Variants in ANOS1 observed in about 807,000 individuals in gnomAD.
ANOS1 encodes anosmin-1.
In ANOS1, 6 loss-of-function variants were observed where a neutral mutation model predicts 59.0. The ratio of observed to expected loss-of-function variants is 0.10; its 90% CI spans 0.06 to 0.20. The LOEUF is 0.20. Among genes scored for constraint, ANOS1 ranks in the 10% least tolerant of loss-of-function variants. The pLI is 1.00. For missense variants in ANOS1, 433 were observed against 542.3 expected (o/e 0.80, Z 2.00); for synonymous variants, 217 against 223.4 (o/e 0.97, Z 0.25).
rs143495181 is a variant in ANOS1, at chrX:8,582,001, T to A, written c.856+3266A>T. 2.6e-4 allele frequency among the ~76,000 whole-genome samples: 29 copies of A among 112,102 alleles called. No individual in the cohort carries two copies. The East Asian group carries it at 7.6e-3, about 29-fold the overall frequency. On this transcript the variant is annotated intron_variant, in intron 6 of 13. Transcript: ENST00000262648. ...ACTCTTGTTTCATTTCCTCATATATTGAACAAGGATTTGTTGGGCAGCTAC... is the reference window on the plus strand; with the variant it reads ...ACTCTTGTTTCATTTCCTCATATATAGAACAAGGATTTGTTGGGCAGCTAC...
rs1929471062 is a variant in ANOS1, at chrX:8,529,959, ACAGTCGG to A, written c.*3029_*3035del. 1 of 111,944 alleles carries A rather than the reference ACAGTCGG, an allele frequency of 8.9e-6. No individual in the cohort carries two copies. Among genetic ancestry groups the A allele is most frequent in the Non-Finnish European group, 1.9e-5 (1 of 53,237 alleles). The allele number at this position is 111,944 out of a possible 1,213,427, so 9.2% of individuals were successfully genotyped here. A position where few individuals can be genotyped will look rare whatever the true frequency, so the allele number is the denominator to read the frequency against. On this transcript the variant is annotated 3_prime_UTR_variant, in exon 14 of 14. Coordinates refer to ENST00000262648, the MANE Select transcript of ANOS1 (RefSeq NM_000216.4). ...TTGAGGTTGAGATGAACCTCTGTATACAGTCGGCTATGTATCTAAGGTTTTCAGGACA... is the reference window on the plus strand; with the variant it reads ...TTGAGGTTGAGATGAACCTCTGTATACTATGTATCTAAGGTTTTCAGGACA...
chrX:8,637,950 T>C (rs778313565), intron 2 of ANOS1, among the ~76,000 whole-genome samples: 15 of 112,439 alleles, frequency 1.3e-4, no homozygotes, highest in Non-Finnish European at 2.8e-4. Flanking sequence ...GGTTTTCTGC[T>C]GCAGTCTTCA....
At chrX:8,566,059 A>G (rs1930106319) in intron 8 of ANOS1, 1 of 752,315 alleles carries the variant, frequency 1.3e-6, no homozygotes, top group Non-Finnish European at 1.6e-6. Context: ...AACTCTCTAC[A>G]CTCATCCACG....
chrX:8,723,587 C>A (rs1159084253), intron 1 of ANOS1, among the ~76,000 whole-genome samples: 2 of 112,340 alleles, frequency 1.8e-5, no homozygotes, highest in Non-Finnish European at 3.8e-5. Context: ...TACATTTGTT[C>A]CTTTCTGGGC....
intron 2 of ANOS1, among the ~76,000 whole-genome samples, chrX:8,630,457 C>CA (rs1366931466): frequency 4.6e-5 from 5 of 109,169 alleles, no homozygotes; most frequent in African/African-American, 1.0e-4. Flanking sequence ...CAAACAAAAC[C>CA]AAAAAAAAGT....
chrX:8,731,887 G>C lies in ANOS1; in HGVS notation c.150C>G (p.Ala50=), dbSNP rs770239369. The change falls in exon 1 of 14, where the codon GCC becomes GCG. Residue 50 remains alanine (A), a synonymous_variant. Transcript: ENST00000262648. ...TGATCTGCAGGCTCAGGCACCTGGA[G>C]GCGCAGCGAGCGCGCTGGACGCTCC... ...SAGSVQRARC[A]SRCLSLQITR... is the part of the protein sequence containing the mutation. 8.4e-7 allele frequency: 1 copy of C among 1,191,982 alleles called. No individual in the cohort carries two copies. Among genetic ancestry groups the C allele is most frequent in the East Asian group, 3.1e-5 (1 of 32,032 alleles).
intron 10 of ANOS1, among the ~76,000 whole-genome samples, 193 bp from the exon 11 acceptor site, chrX:8,537,135 G>A (rs1381586154): frequency 8.9e-6 from 1 of 111,744 alleles, no homozygotes; most frequent in Non-Finnish European, 1.9e-5. Context: ...ACACTCCCAT[G>A]GCTGCGGGAT....
intron 1 of ANOS1, among the ~76,000 whole-genome samples, chrX:8,705,260 G>C (rs1161927174): frequency 9.0e-6 from 1 of 111,568 alleles, no homozygotes; most frequent in East Asian, 2.8e-4. Flanking sequence ...AAATTCTCAA[G>C]CCCCTCATTC....
At chrX:8,569,294 T>A (rs978314837) in intron 7 of ANOS1, among the ~76,000 whole-genome samples, 31 of 112,331 alleles carry the variant, frequency 2.8e-4, no homozygotes, top group Non-Finnish European at 5.1e-4. Context: ...ACTACCATTA[T>A]CATTTGTAGC....
intron 5 of ANOS1, among the ~76,000 whole-genome samples, 156 bp from the exon 6 acceptor site, chrX:8,585,552 G>A (rs1295536736): frequency 2.7e-5 from 3 of 112,001 alleles, no homozygotes; most frequent in African/African-American, 6.5e-5. Flanking sequence ...GTTATGAAGA[G>A]AGCTGTCAGG....
chrX:8,664,169 T>C (rs935014484), intron 2 of ANOS1, among the ~76,000 whole-genome samples: 3 of 112,020 alleles, frequency 2.7e-5, no homozygotes, highest in African/African-American at 9.7e-5. Flanking sequence ...CCTGCACATG[T>C]ATCCCAGAAC....
At chrX:8,650,192 C>T (rs961519057) in intron 2 of ANOS1, among the ~76,000 whole-genome samples, 1 of 112,306 alleles carries the variant, frequency 8.9e-6, no homozygotes, top group Non-Finnish European at 1.9e-5. Context: ...CTGCAGTGTC[C>T]CTGAGCTTTG....
chrX:8,588,774 G>A (rs764398687), intron 4 of ANOS1, among the ~76,000 whole-genome samples: 12 of 112,170 alleles, frequency 1.1e-4, no homozygotes, highest in Non-Finnish European at 2.1e-4. Context: ...AAGAACCACA[G>A]TTCAAAATAG....
chrX:8,719,949 T>C (rs1034207056), intron 1 of ANOS1, among the ~76,000 whole-genome samples: 1 of 111,816 alleles, frequency 8.9e-6, no homozygotes, highest in Admixed American at 9.5e-5. Context: ...CAGACTCCCC[T>C]GAGGAGAGGT....
chrX:8,714,161 T>C (rs1489107851), intron 1 of ANOS1, among the ~76,000 whole-genome samples: 1 of 112,074 alleles, frequency 8.9e-6, no homozygotes, highest in Non-Finnish European at 1.9e-5. Context: ...TCTGGCCATT[T>C]TCATACAGAA....
intron 2 of ANOS1, among the ~76,000 whole-genome samples, chrX:8,697,106 G>A (rs1334842761): frequency 8.9e-6 from 1 of 111,838 alleles, no homozygotes; most frequent in African/African-American, 3.2e-5. Flanking sequence ...AGCCGGGCAT[G>A]GTGGCAGGCG....
intron 2 of ANOS1, among the ~76,000 whole-genome samples, chrX:8,698,335 A>G (rs771275640): frequency 8.9e-6 from 1 of 112,453 alleles, no homozygotes; most frequent in South Asian, 3.7e-4. Context: ...TGTTCTAATC[A>G]AATTCCTTAT....
At chrX:8,704,388 T>C (rs1452923135) in intron 1 of ANOS1, among the ~76,000 whole-genome samples, 1 of 111,435 alleles carries the variant, frequency 9.0e-6, no homozygotes, top group Non-Finnish European at 1.9e-5. Flanking sequence ...CAACCTCCCC[T>C]TCCCAAGTGT....
chrX:8,636,504 T>C (rs903493936), intron 2 of ANOS1, among the ~76,000 whole-genome samples: 10 of 112,148 alleles, frequency 8.9e-5, no homozygotes, highest in Admixed American at 1.9e-4. Context: ...TAAATGCATC[T>C]CTTTGTCTGA....
Sources: gnomAD v4.1 joint callset for allele counts (sites outside exome capture counted in the v4.1 genomes callset) on GRCh38, gnomAD v4.1.1 for gene constraint, MANE v1.5 for transcripts, NCBI Gene and HGNC (gene_info 2026-07-23, HGNC 2026-07-21) for gene names.